TUBB8: variants seen among roughly 807,000 people sequenced by gnomAD.
TUBB8 encodes tubulin beta-8 chain.
In TUBB8, 25 loss-of-function variants were observed where a neutral mutation model predicts 33.7. That is an observed-to-expected ratio of 0.74 (90% CI 0.54 to 1.04). The LOEUF (loss-of-function observed/expected upper bound fraction) is 1.04. TUBB8 is among the 50% of genes least tolerant of loss of function. The pLI is 0.00. For synonymous variants in TUBB8, 245 were observed against 240.1 expected, an observed-to-expected ratio of 1.02 and a Z score of -0.19; for missense variants, 279 against 608.0, an observed-to-expected ratio of 0.46 and a Z score of 5.69.
chr10:54,670 T>C (rs545038968), intron 1 of TUBB8, among the ~76,000 whole-genome samples: 39 of 152,242 alleles, frequency 2.6e-4, no homozygotes, highest in Non-Finnish European at 1.3e-4. Flanking sequence ...TCTTTTATTA[T>C]ATTTTTTTCT....
At chr10:74,625 C>CAAAAAAAAAAAAAAAAAGAAAAAAAAA (rs1834784652), upstream of TUBB8, among the ~76,000 whole-genome samples, 2 of 89,680 alleles carry the variant, frequency 2.2e-5, no homozygotes, top group East Asian at 3.3e-4. Context: ...GACTCAGTAT[C>CAAAAAAAAAAAAAAAAAGAAAAAAAAA]AAAAAAAAAA....
upstream of TUBB8, among the ~76,000 whole-genome samples, chr10:75,654 C>CAAAA (rs35362588): frequency 1.1e-5 from 1 of 93,552 alleles, no homozygotes; most frequent in Non-Finnish European, 2.0e-5. Flanking sequence ...GACTCTGTCT[C>CAAAA]AAAAAAAAAA....
chr10:64,975 T>A (rs1834651006), intron 1 of TUBB8, among the ~76,000 whole-genome samples: 2 of 118,536 alleles, frequency 1.7e-5, no homozygotes, highest in African/African-American at 6.0e-5. Context: ...CCATCTCCAC[T>A]AAAAAAAAAA....
chr10:67,812 C>T (rs547539944), intron 1 of TUBB8, among the ~76,000 whole-genome samples: 5 of 152,294 alleles, frequency 3.3e-5, no homozygotes, highest in South Asian at 2.1e-4. Context: ...CACACTGTCA[C>T]GCAGGCTGGA....
intron 3 of TUBB8, 83 bp downstream of exon 3, chr10:48,532 C>T: frequency 1.5e-6 from 2 of 1,349,732 alleles, no homozygotes; most frequent in Non-Finnish European, 2.1e-6. Flanking sequence ...CTCCACAGTT[C>T]CCAGAGGATG....
upstream of TUBB8, among the ~76,000 whole-genome samples, chr10:51,293 T>C (rs556494808): frequency 1.5e-4 from 23 of 152,276 alleles, no homozygotes; most frequent in Middle Eastern, 6.8e-3. Flanking sequence ...ACTTTTAGTA[T>C]AGACGAGGTT....
upstream of TUBB8, among the ~76,000 whole-genome samples, chr10:75,268 G>A (rs1327949651): frequency 6.6e-6 from 1 of 151,758 alleles, no homozygotes; most frequent in Non-Finnish European, 1.5e-5. Flanking sequence ...AGGATTGCTG[G>A]AGCCCAGGAC....
upstream of TUBB8, chr10:50,323 G>C (rs1271979010): frequency 6.6e-6 from 1 of 152,312 alleles, no homozygotes; most frequent in East Asian, 1.9e-4. Context: ...CCTGTGATTG[G>C]TACTTGGCAT....
chr10:47,805 G>A lies in TUBB8; in HGVS notation c.587C>T (p.Ala196Val), dbSNP rs1554738379. 2.5e-6 allele frequency: 4 copies of A among 1,614,226 alleles called. No individual in the cohort carries two copies. Among genetic ancestry groups the A allele is most frequent in the Non-Finnish European group, 1.7e-6 (2 of 1,180,040 alleles). Residue 196 changes from alanine (A) to valine (V), a missense_variant, in exon 4 of 4, where the codon GCA becomes GTA. This residue lies in a region of TUBB8 where 96 missense variants were observed against 233.7 expected (regional missense o/e 0.41). Transcript: ENST00000568584. ...TLSVHQLIENADETFCIDNEA... is the reference protein window; with the variant it reads ...TLSVHQLIENVDETFCIDNEA... ...GTTATCTATGCAAAAGGTCTCATCT[G>A]CGTTTTCTATGAGCTGGTGGACTGA...
chr10:49,938 C>T (rs1834444823), upstream of TUBB8: 5 of 168,950 alleles, frequency 3.0e-5, no homozygotes. Flanking sequence ...TGTCACTTTG[C>T]AGGCTTTTGG....
At chr10:76,292 C>T (rs782334589), upstream of TUBB8, among the ~76,000 whole-genome samples, 17 of 152,240 alleles carry the variant, frequency 1.1e-4, no homozygotes, top group Admixed American at 8.5e-4. Flanking sequence ...GGGTCTCTCC[C>T]CAGAAACAAA....
chr10:68,992 A>G, intron 1 of TUBB8, among the ~76,000 whole-genome samples: 1 of 152,212 alleles, frequency 6.6e-6, no homozygotes, highest in Admixed American at 6.5e-5. Context: ...CTGCGTTCCC[A>G]GGGGAAACAC....
chr10:71,346 C>T (rs1834734090), intron 1 of TUBB8, among the ~76,000 whole-genome samples: 1 of 152,002 alleles, frequency 6.6e-6, no homozygotes, highest in Non-Finnish European at 1.5e-5. Context: ...AGAAAAATAC[C>T]GCAGGGCTGG....
upstream of TUBB8, among the ~76,000 whole-genome samples, chr10:54,060 TTA>T (rs1834500846): frequency 6.6e-6 from 1 of 152,210 alleles, no homozygotes; most frequent in Non-Finnish European, 1.5e-5. Flanking sequence ...TTATACTATT[TTA>T]GTTTTTATAA....
intron 1 of TUBB8, among the ~76,000 whole-genome samples, chr10:55,520 G>A (rs375449756): frequency 0.069 from 7,424 of 107,892 alleles, no homozygotes; most frequent in Middle Eastern, 0.16. Flanking sequence ...TGTTTGCTTT[G>A]GTTGTCTGTG....
intron 1 of TUBB8, among the ~76,000 whole-genome samples, chr10:61,075 T>G (rs1588277973): frequency 1.2e-5 from 1 of 84,014 alleles, no homozygotes; most frequent in Admixed American, 1.9e-4. Context: ...GGGACTGTTG[T>G]GGGGTGGGGG....
chr10:66,504 CT>C (rs571188800), intron 1 of TUBB8, among the ~76,000 whole-genome samples: 52 of 152,266 alleles, frequency 3.4e-4, no homozygotes, highest in Admixed American at 2.8e-3. Context: ...TAAAAATTAG[CT>C]AGGTGTGACG....
chr10:47,548 G>T lies in TUBB8; in HGVS notation c.844C>A (p.Arg282=), dbSNP rs371080326. 10 of 1,611,836 alleles carry T rather than the reference G, an allele frequency of 6.2e-6. No individual in the cohort carries two copies. Among genetic ancestry groups the T allele is most frequent in the Non-Finnish European group, 8.5e-6 (10 of 1,180,022 alleles). ...GTAAGCTCAGCCACAGTCAAGGCCC[G>T]GTACTGCTGGCTGCCCCGGCTGGTC... is the stretch of plus-strand genomic sequence containing the variant. The part of the protein sequence containing the change: ...PLTSRGSQQY[R]ALTVAELTQQ... The change falls in exon 4 of 4, where the codon CGG becomes AGG. Residue 282 remains arginine, a synonymous_variant. Transcript: ENST00000568584.
upstream of TUBB8, among the ~76,000 whole-genome samples, chr10:54,154 G>C (rs1475870895): frequency 1.3e-5 from 2 of 152,006 alleles, no homozygotes; most frequent in African/African-American, 4.8e-5. Context: ...ACAATTTTTT[G>C]TACCCATTTC....
Sources: allele counts gnomAD v4.1 joint callset (sites outside exome capture counted in the v4.1 genomes callset), GRCh38; gene constraint gnomAD v4.1.1; regional missense constraint gnomAD v4.1.1; transcripts MANE v1.5; gene names NCBI Gene and HGNC (gene_info 2026-07-23, HGNC 2026-07-21).